The following RORA variants were observed in gnomAD, a reference collection of about 807,000 sequenced individuals.
The protein encoded by RORA is RAR related orphan receptor A.
Under a neutral mutation model 69.5 loss-of-function variants are expected in RORA, and 7 were observed. The observed-to-expected ratio is 0.10, with a 90% CI of 0.06 to 0.19. The LOEUF is 0.19. Ranked by LOEUF, RORA falls within the 10% of genes least tolerant of loss-of-function variation. RORA has a pLI of 1.00. For synonymous variants in RORA, 261 were observed against 240.8 expected (o/e 1.08, Z -0.78); for missense variants, 457 against 663.0 (o/e 0.69, Z 3.41).
intron 1 of RORA, among the ~76,000 whole-genome samples, chr15:60,908,520 T>C (rs1891611466): frequency 1.3e-5 from 2 of 152,134 alleles, no homozygotes; most frequent in Admixed American, 1.3e-4. Context: ...GCACTATTAG[T>C]GCTACTAAAA....
At chr15:60,516,001 TTATATATATTTA>T (rs1567051272) in intron 3 of RORA, among the ~76,000 whole-genome samples, 1 of 16,690 alleles carries the variant, frequency 6.0e-5, no homozygotes, top group African/African-American at 2.7e-4. Context: ...TTATATATAT[TTATATATATTTA>T]TATATATTTA....
chr15:61,160,752 T>C (rs928350285), intron 1 of RORA, among the ~76,000 whole-genome samples: 7 of 152,184 alleles, frequency 4.6e-5, no homozygotes, highest in Admixed American at 1.3e-4. Flanking sequence ...GAGAATTCTC[T>C]GGGAAATATT....
In RORA at chr15:60,524,727, G is replaced by A. The variant is rs536380392; in HGVS notation, c.282+7039C>T. Among the ~76,000 whole-genome samples the A allele has an allele frequency of 1.1e-4, 17 of 152,296 alleles. No individual in the cohort carries two copies. In the East Asian group the frequency reaches 3.1e-3, roughly 28 times the overall value. ...TCAATAAATACTTGTTGAACAACCA[G>A]AGGAAAAAATGGTGGCAGTGATAAA... On this transcript the variant is annotated intron_variant, in intron 3 of 10. Transcript: ENST00000335670.
At chr15:60,783,755 A>T (rs764289210) in intron 1 of RORA, among the ~76,000 whole-genome samples, 15 of 152,210 alleles carry the variant, frequency 9.9e-5, no homozygotes, top group Non-Finnish European at 2.2e-4. Flanking sequence ...ATGAGCTCAC[A>T]TCCATTCAGG....
chr15:60,557,482 T>G (rs1019942784), intron 2 of RORA, among the ~76,000 whole-genome samples: 2 of 152,224 alleles, frequency 1.3e-5, no homozygotes, highest in Non-Finnish European at 2.9e-5. Context: ...TACTATTATG[T>G]AATGAGATAC....
chr15:61,146,821 T>G (rs2079354019), intron 1 of RORA, among the ~76,000 whole-genome samples: 1 of 152,196 alleles, frequency 6.6e-6, no homozygotes, highest in African/African-American at 2.4e-5. Context: ...TTCTAATGTA[T>G]TAGCTGAGGC....
chr15:60,575,495 G>A (rs1233778282), intron 2 of RORA, among the ~76,000 whole-genome samples: 1 of 152,078 alleles, frequency 6.6e-6, no homozygotes, highest in African/African-American at 2.4e-5. Context: ...AAATTCCAAA[G>A]TCGAGTCTAG....
intron 1 of RORA, among the ~76,000 whole-genome samples, chr15:61,181,744 G>A (rs1416265676): frequency 4.5e-4 from 68 of 150,618 alleles, no homozygotes; most frequent in Non-Finnish European, 5.9e-5. Flanking sequence ...TAAGAATACG[G>A]CCATATGGTA....
chr15:60,641,617 G>C (rs922424009), intron 2 of RORA, among the ~76,000 whole-genome samples: 1 of 150,932 alleles, frequency 6.6e-6, no homozygotes, highest in Non-Finnish European at 1.5e-5. Context: ...CACCATGTTG[G>C]CCGGGCTGGT....
At chr15:61,013,761 A>G (rs1895172605) in intron 1 of RORA, among the ~76,000 whole-genome samples, 1 of 145,460 alleles carries the variant, frequency 6.9e-6, no homozygotes, top group Non-Finnish European at 1.5e-5. Context: ...CAGTTACTAT[A>G]GCCAAGAACT....
rs374433414 is a variant in RORA, at chr15:60,763,065, ATTTTTTTTT to A, written c.167-84388_167-84380del. On this transcript the variant is annotated intron_variant, in intron 1 of 10. Coordinates refer to ENST00000335670, the MANE Select transcript of RORA (RefSeq NM_134261.3). ...AAAGTACTGTTTCCAATATGCACAGATTTTTTTTTTTTTTTTTTTTTTTTTTTTTTTAAC... is the reference window on the plus strand; with the variant it reads ...AAAGTACTGTTTCCAATATGCACAGATTTTTTTTTTTTTTTTTTTTTTAAC... 1.6e-3 allele frequency among the ~76,000 whole-genome samples: 76 copies of A among 48,372 alleles called. No individual in the cohort carries two copies. In the East Asian group the frequency reaches 0.028, roughly 18 times the overall value. The allele number at this position is 48,372 out of a possible 152,430, so 31.7% of individuals were successfully genotyped here.
intron 1 of RORA, among the ~76,000 whole-genome samples, chr15:61,108,433 T>C (rs2078971837): frequency 6.6e-6 from 1 of 152,232 alleles, no homozygotes; most frequent in Admixed American, 6.5e-5. Context: ...ACCTGTGGGC[T>C]GAATGCCTGT....
chr15:60,963,168 G>T (rs1188463715), intron 1 of RORA, among the ~76,000 whole-genome samples: 1 of 152,230 alleles, frequency 6.6e-6, no homozygotes, highest in African/African-American at 2.4e-5. Context: ...ACGCTTCGAA[G>T]AAATTGAACT....
chr15:61,026,590 T>C lies in RORA; in HGVS notation c.166+202463A>G, dbSNP rs182141657. On this transcript the variant is annotated intron_variant, in intron 1 of 10. Transcript: ENST00000335670. ...ATAATTCCAGTTGGTCTATGTCATA[T>C]ATAATACGCCTGCCTCATAAGTAGT... Among the ~76,000 whole-genome samples the C allele has an allele frequency of 9.8e-4, 149 of 152,350 alleles. 1 individual carries two copies. Among genetic ancestry groups the C allele is most frequent in the Admixed American group, 3.7e-3 (56 of 15,300 alleles).
chr15:60,745,455 A>C (rs1413467445), intron 1 of RORA, among the ~76,000 whole-genome samples: 1 of 152,168 alleles, frequency 6.6e-6, no homozygotes, highest in East Asian at 1.9e-4. Context: ...AACTTGGCCG[A>C]TTCTGTCTCT....
At chr15:60,542,649 C>T (rs1196066054) in intron 2 of RORA, among the ~76,000 whole-genome samples, 2 of 141,354 alleles carry the variant, frequency 1.4e-5, no homozygotes, top group Non-Finnish European at 3.0e-5. Flanking sequence ...ACACGACACA[C>T]GGGCACACCT....
At chr15:60,518,480 C>G (rs1017490999) in intron 3 of RORA, among the ~76,000 whole-genome samples, 1 of 152,196 alleles carries the variant, frequency 6.6e-6, no homozygotes, top group African/African-American at 2.4e-5. Context: ...AGGGACTGCC[C>G]TTGCAGGGCT....
chr15:60,703,501 A>C (rs2071015875), intron 1 of RORA, among the ~76,000 whole-genome samples: 1 of 152,116 alleles, frequency 6.6e-6, no homozygotes, highest in African/African-American at 2.4e-5. Flanking sequence ...CTCTGCCTTA[A>C]TGCACACAAA....
At chr15:60,850,406 C>G (rs78759561) in intron 1 of RORA, among the ~76,000 whole-genome samples, 70 of 152,164 alleles carry the variant, frequency 4.6e-4, no homozygotes, top group African/African-American at 1.6e-3. Flanking sequence ...GATGTTTAAG[C>G]GGGGGGTCAG....
Sources: gnomAD v4.1 joint callset for allele counts (sites outside exome capture counted in the v4.1 genomes callset) on GRCh38, gnomAD v4.1.1 for gene constraint, MANE v1.5 for transcripts, NCBI Gene and HGNC (gene_info 2026-07-23, HGNC 2026-07-21) for gene names.